Variants in CLCN5 observed in about 807,000 individuals in gnomAD.
CLCN5 encodes the protein H(+)/Cl(-) exchange transporter 5.
Under a neutral mutation model 54.0 loss-of-function variants are expected in CLCN5, and 17 were observed. The observed-to-expected ratio is 0.31, with a 90% CI of 0.22 to 0.47. CLCN5 has a LOEUF of 0.47. Among genes scored for constraint, CLCN5 ranks in the 20% least tolerant of loss-of-function variants. The probability of loss-of-function intolerance (pLI) is 1.00; values close to 1 mark genes in which losing one functional copy is unlikely to be tolerated. For synonymous variants in CLCN5, 222 were observed against 233.0 expected (o/e 0.95, Z 0.43); for missense variants, 448 against 646.7 (o/e 0.69, Z 3.33).
intron 3 of CLCN5, among the ~76,000 whole-genome samples, chrX:49,953,663 CACT>C (rs781889726): frequency 1.2e-4 from 13 of 112,125 alleles, no homozygotes; most frequent in Non-Finnish European, 2.4e-4. Context: ...TTAATTAATC[CACT>C]GTTATTGGAT....
At position 50,001,095 on chromosome X, in the gene CLCN5, C is replaced by G. The variant is rs183871163; in HGVS notation, c.17-41221C>G. On this transcript the variant is annotated intron_variant, in intron 3 of 14. Coordinates refer to ENST00000376091, the MANE Select transcript of CLCN5 (RefSeq NM_001127898.4). ...CCTCTCCTCCATTACCTGCACATGT[C>G]CCTAAGTGTCAGCTCCTCCCCATTA... is the stretch of plus-strand genomic sequence containing the variant. 1.1e-4 allele frequency among the ~76,000 whole-genome samples: 12 copies of G among 110,914 alleles called. No individual in the cohort carries two copies. The East Asian group carries it at 3.1e-3, about 29-fold the overall frequency.
Position 50,094,138 on chromosome X carries a change from T to G in CLCN5, c.*1919T>G, listed in dbSNP as rs1277162841. Reference sequence around the variant, plus strand: ...TCTTTCCAAAATCTGAAATTCTTTTTTTTGCTCAGAACTGGGTAGCCAAGG... The same window carrying G: ...TCTTTCCAAAATCTGAAATTCTTTTGTTTGCTCAGAACTGGGTAGCCAAGG... On this transcript the variant is annotated 3_prime_UTR_variant, in exon 15 of 15. Transcript: ENST00000376091. The G allele has an allele frequency of 1.8e-5, 2 of 112,132 alleles. No individual in the cohort carries two copies. Among genetic ancestry groups the G allele is most frequent in the Admixed American group, 1.9e-4 (2 of 10,553 alleles). 9.2% of individuals were successfully genotyped at this position (112,132 alleles called of 1,213,427 possible). A position where few individuals can be genotyped will look rare whatever the true frequency, so the allele number is the denominator to read the frequency against.
intron 3 of CLCN5, among the ~76,000 whole-genome samples, chrX:49,973,818 T>C (rs1259553391): frequency 9.0e-6 from 1 of 111,259 alleles, no homozygotes; most frequent in African/African-American, 3.3e-5. Context: ...TTGTTGGGAA[T>C]GTAACCCCAT....
At chrX:50,085,809 A>T (rs1557193785) in intron 9 of CLCN5, among the ~76,000 whole-genome samples, 171 bp from the exon 10 acceptor site, 2 of 111,919 alleles carry the variant, frequency 1.8e-5, no homozygotes, top group African/African-American at 6.5e-5. Flanking sequence ...TGAACTATGC[A>T]TGTGTATTCA....
At chrX:50,033,038 C>G (rs1465333915) in intron 3 of CLCN5, among the ~76,000 whole-genome samples, 4 of 110,636 alleles carry the variant, frequency 3.6e-5, no homozygotes, top group African/African-American at 1.3e-4. Context: ...TGTAGATATG[C>G]GGCGTTATTT....
chrX:49,929,113 G>C (rs782697647), intron 3 of CLCN5, among the ~76,000 whole-genome samples: 3 of 111,498 alleles, frequency 2.7e-5, no homozygotes, highest in Non-Finnish European at 5.6e-5. Context: ...GGAAGCTTCT[G>C]AGTCAGTCTG....
chrX:50,086,221 C>A, intron 10 of CLCN5, 107 bp from the exon 11 acceptor site: 1 of 945,088 alleles, frequency 1.1e-6, no homozygotes, highest in South Asian at 2.1e-5. Context: ...GAAATCCAGT[C>A]GGCAGTTTTC....
At chrX:49,983,013 G>A (rs1469725490) in intron 3 of CLCN5, among the ~76,000 whole-genome samples, 5 of 112,078 alleles carry the variant, frequency 4.5e-5, no homozygotes, top group African/African-American at 1.6e-4. Context: ...AAGACTGCAC[G>A]TAATTAACAT....
At chrX:50,072,460 T>C (rs1557191612) in intron 5 of CLCN5, 29 bp from the exon 6 acceptor site, 2 of 989,775 alleles carry the variant, frequency 2.0e-6, no homozygotes, top group Admixed American at 2.2e-5. Context: ...GTGTGTAGAG[T>C]GTACCAATGT....
At chrX:50,058,800 A>G (rs1391983081) in intron 4 of CLCN5, among the ~76,000 whole-genome samples, 1 of 111,301 alleles carries the variant, frequency 9.0e-6, no homozygotes, top group East Asian at 2.8e-4. Context: ...AACATTCACT[A>G]TGCCTTCAAA....
At chrX:50,088,561 C>T in intron 11 of CLCN5, 137 bp from the exon 12 acceptor site, 1 of 590,359 alleles carries the variant, frequency 1.7e-6, no homozygotes, top group Non-Finnish European at 2.9e-6. Context: ...CACACCTTTA[C>T]AGCCACTTGC....
intron 4 of CLCN5, among the ~76,000 whole-genome samples, chrX:50,064,263 G>A (rs782448033): frequency 4.7e-4 from 52 of 109,961 alleles, no homozygotes; most frequent in African/African-American, 1.2e-3. Context: ...ATAAAACCCC[G>A]TCGTCTCAGC....
Position 49,966,285 on chromosome X carries a change from A to G in CLCN5, c.16+40971A>G, listed in dbSNP as rs145708882. ...TTCAAGATATCTACTTCTTCAGTATACTTTGGTAATTTGTGTGTTTCACAT... is the reference window on the plus strand; with the variant it reads ...TTCAAGATATCTACTTCTTCAGTATGCTTTGGTAATTTGTGTGTTTCACAT... On this transcript the variant is annotated intron_variant, in intron 3 of 14. Transcript: ENST00000376091. Among the ~76,000 whole-genome samples, 369 of 111,350 alleles carry G rather than the reference A, an allele frequency of 3.3e-3. 1 individual carries two copies. Among genetic ancestry groups the G allele is most frequent in the Non-Finnish European group, 5.5e-3 (289 of 52,993 alleles).
Position 50,095,404 on chromosome X carries a change from C to G in CLCN5, c.*3185C>G, listed in dbSNP as rs782010534. 4.4e-5 allele frequency: 5 copies of G among 112,395 alleles called. No individual in the cohort carries two copies. The East Asian group carries it at 1.4e-3, about 31-fold the overall frequency. The allele number at this position is 112,395 out of a possible 1,213,427, so 9.3% of individuals were successfully genotyped here. A position where few individuals can be genotyped will look rare whatever the true frequency, so the allele number is the denominator to read the frequency against. ...GTGGATGTTTGGTTAGAAACATATT[C>G]CAATGCTCTCCTCTTTCTCTGGCCA... On this transcript the variant is annotated 3_prime_UTR_variant, in exon 15 of 15. Transcript: ENST00000376091.
intron 4 of CLCN5, among the ~76,000 whole-genome samples, chrX:50,064,041 A>G (rs1395256978): frequency 1.9e-5 from 2 of 105,040 alleles, no homozygotes; most frequent in Non-Finnish European, 3.9e-5. Context: ...TGACAAACCC[A>G]CAGCCAATAT....
chrX:49,974,659 C>T lies in CLCN5; in HGVS notation c.16+49345C>T, dbSNP rs1285274223. On this transcript the variant is annotated intron_variant, in intron 3 of 14. Coordinates refer to ENST00000376091, the MANE Select transcript of CLCN5 (RefSeq NM_001127898.4). ...AGCCCATCTCTATCTGATTCCAAAG[C>T]TCTTTCCATAGGCTGTCTCCCAGAT... Among the ~76,000 whole-genome samples, 4 of 111,812 alleles carry T rather than the reference C, an allele frequency of 3.6e-5. No homozygotes were observed. In the Admixed American group the frequency reaches 3.8e-4, roughly 11 times the overall value.
At chrX:49,991,210 C>T (rs1700141417) in intron 3 of CLCN5, among the ~76,000 whole-genome samples, 1 of 111,896 alleles carries the variant, frequency 8.9e-6, no homozygotes, top group Non-Finnish European at 1.9e-5. Context: ...CATATCCACG[C>T]CAACATCTAT....
chrX:49,934,044 G>A (rs1925794059), intron 3 of CLCN5, among the ~76,000 whole-genome samples: 1 of 110,747 alleles, frequency 9.0e-6, no homozygotes, highest in African/African-American at 3.3e-5. Flanking sequence ...CTAGACCCTG[G>A]GGCTCCTGAT....
chrX:50,070,919 A>C (rs1933194769), intron 5 of CLCN5, among the ~76,000 whole-genome samples: 1 of 111,555 alleles, frequency 9.0e-6, no homozygotes, highest in South Asian at 3.8e-4. Context: ...CTTATTAAAA[A>C]AATAGTTGTC....
Sources: allele counts gnomAD v4.1 joint callset (sites outside exome capture counted in the v4.1 genomes callset), GRCh38; gene constraint gnomAD v4.1.1; transcripts MANE v1.5; gene names NCBI Gene and HGNC (gene_info 2026-07-23, HGNC 2026-07-21).